The following DTNA variants were observed in gnomAD, a reference collection of about 807,000 sequenced individuals.
DTNA encodes dystrophin-related protein 3.
DTNA carries 43 observed loss-of-function variants against 100.7 expected under a neutral mutation model. The observed-to-expected ratio is 0.43, with a 90% CI of 0.33 to 0.55. The LOEUF is 0.55. Ranked by LOEUF, DTNA falls within the 20% of genes least tolerant of loss-of-function variation. DTNA has a pLI of 0.04. For missense variants in DTNA, 798 were observed against 953.9 expected (o/e 0.84, Z 2.15); for synonymous variants, 349 against 347.9 (o/e 1.00, Z -0.04).
At chr18:34,558,567 G>T (rs2046343196) in intron 1 of DTNA, among the ~76,000 whole-genome samples, 3 of 152,086 alleles carry the variant, frequency 2.0e-5, no homozygotes, top group Admixed American at 2.0e-4. Context: ...AATATGAAAT[G>T]AATGCATAAT....
chr18:34,740,521 G>A (rs963276706), intron 1 of DTNA, among the ~76,000 whole-genome samples: 12 of 152,116 alleles, frequency 7.9e-5, no homozygotes, highest in African/African-American at 2.9e-4. Context: ...GACACATACT[G>A]GCACATCACA....
intron 1 of DTNA, among the ~76,000 whole-genome samples, chr18:34,566,923 C>T (rs772739471): frequency 1.3e-5 from 2 of 152,198 alleles, no homozygotes; most frequent in Non-Finnish European, 2.9e-5. Context: ...GCAATGACAT[C>T]TGTTGTTAAG....
In DTNA at chr18:34,820,929, C is replaced by T; in HGVS notation, c.1001+14C>T. The T allele has an allele frequency of 6.2e-7, 1 of 1,611,356 alleles. No individual in the cohort carries two copies. The highest frequency in any genetic ancestry group is 8.5e-7 in the Non-Finnish European group (1 of 1,179,444). On this transcript the variant is annotated intron_variant, in intron 9 of 22. Coordinates refer to ENST00000444659, the MANE Select transcript of DTNA (RefSeq NM_001386795.1). ...GGCTCACATCGTGTGAGTATCCCTA[C>T]CCTCCCAGTATAGAGACAATTTTCT... is the stretch of plus-strand genomic sequence containing the variant.
chr18:34,665,375 CAAG>C (rs1450307873), intron 1 of DTNA, among the ~76,000 whole-genome samples: 6 of 151,884 alleles, frequency 4.0e-5, no homozygotes, highest in African/African-American at 1.5e-4. Context: ...TTTATGAAAA[CAAG>C]ATTTATGATT....
intron 20 of DTNA, among the ~76,000 whole-genome samples, chr18:34,880,430 G>A (rs964956176): frequency 2.0e-5 from 3 of 152,124 alleles, no homozygotes; most frequent in African/African-American, 7.2e-5. Flanking sequence ...AGAAAAAGGA[G>A]AAAAACAAAA....
intron 21 of DTNA, among the ~76,000 whole-genome samples, chr18:34,884,338 T>C (rs973233325): frequency 2.6e-5 from 4 of 152,214 alleles, no homozygotes; most frequent in Non-Finnish European, 5.9e-5. Flanking sequence ...TGTAACCTTC[T>C]ATGAGTAAAA....
At chr18:34,625,877 C>T (rs934673874) in intron 1 of DTNA, among the ~76,000 whole-genome samples, 1 of 152,154 alleles carries the variant, frequency 6.6e-6, no homozygotes, top group African/African-American at 2.4e-5. Context: ...CATCCTGTTC[C>T]ATGAACCTCA....
chr18:34,572,537 G>A (rs2047690680), intron 1 of DTNA, among the ~76,000 whole-genome samples: 1 of 152,068 alleles, frequency 6.6e-6, no homozygotes, highest in Non-Finnish European at 1.5e-5. Flanking sequence ...TCACTGTAAG[G>A]CACAGCAGAG....
At chr18:34,824,255 C>T (rs535505614) in intron 9 of DTNA, among the ~76,000 whole-genome samples, 2 of 152,104 alleles carry the variant, frequency 1.3e-5, no homozygotes, top group Non-Finnish European at 2.9e-5. Context: ...GCGGGCGGAT[C>T]ACGAGGTCAG....
intron 1 of DTNA, among the ~76,000 whole-genome samples, chr18:34,557,196 C>T (rs1456241907): frequency 8.1e-5 from 12 of 147,866 alleles, no homozygotes; most frequent in Admixed American, 2.7e-4. Context: ...ACGTAGTTCT[C>T]GAGCCTTGGT....
chr18:34,850,601 G>T (rs2096461793), intron 14 of DTNA, among the ~76,000 whole-genome samples: 1 of 152,222 alleles, frequency 6.6e-6, no homozygotes, highest in Non-Finnish European at 1.5e-5. Context: ...TCTGGCTTAG[G>T]CAACAGTTGC....
chr18:34,876,526 T>G (rs900692635), intron 18 of DTNA, among the ~76,000 whole-genome samples: 1 of 152,166 alleles, frequency 6.6e-6, no homozygotes, highest in African/African-American at 2.4e-5. Flanking sequence ...CCAATAAATA[T>G]ATGAAAAGAT....
intron 1 of DTNA, among the ~76,000 whole-genome samples, chr18:34,728,739 C>G (rs766044417): frequency 3.9e-5 from 6 of 152,166 alleles, no homozygotes; most frequent in Non-Finnish European, 7.3e-5. Flanking sequence ...TACTCAAACA[C>G]AAAACCAAAC....
chr18:34,564,065 A>C (rs2146280097), intron 1 of DTNA, among the ~76,000 whole-genome samples: 1 of 152,246 alleles, frequency 6.6e-6, no homozygotes. Context: ...TATGCTGTAC[A>C]TTAGGTCTCC....
At chr18:34,507,435 G>A (rs142520163) in intron 1 of DTNA, among the ~76,000 whole-genome samples, 5 of 152,216 alleles carry the variant, frequency 3.3e-5, no homozygotes, top group Non-Finnish European at 7.4e-5. Flanking sequence ...TTCTTTTGAT[G>A]TAAAAATTAT....
intron 17 of DTNA, chr18:34,868,802 CAA>C: frequency 2.0e-6 from 2 of 976,944 alleles, no homozygotes; most frequent in Non-Finnish European, 2.4e-6. Context: ...TTTTTTTTTA[CAA>C]AACTTGAATT....
At chr18:34,874,567 T>G (rs2096796437) in intron 17 of DTNA, among the ~76,000 whole-genome samples, 1 of 152,244 alleles carries the variant, frequency 6.6e-6, no homozygotes, top group African/African-American at 2.4e-5. Flanking sequence ...GCTAGAATAC[T>G]GCTTTTTCAT....
intron 11 of DTNA, among the ~76,000 whole-genome samples, chr18:34,830,299 T>A (rs926903773): frequency 2.0e-5 from 3 of 151,898 alleles, no homozygotes; most frequent in African/African-American, 7.3e-5. Flanking sequence ...TCTCCATATT[T>A]TATTTAGCCT....
chr18:34,639,656 T>C (rs546804266), intron 1 of DTNA, among the ~76,000 whole-genome samples: 1 of 152,328 alleles, frequency 6.6e-6, no homozygotes, highest in South Asian at 2.1e-4. Flanking sequence ...CCTACTTCGA[T>C]TATAGCTCAT....
Sources: allele counts gnomAD v4.1 joint callset (sites outside exome capture counted in the v4.1 genomes callset), GRCh38; gene constraint gnomAD v4.1.1; transcripts MANE v1.5; gene names NCBI Gene and HGNC (gene_info 2026-07-23, HGNC 2026-07-21).